ATP2B1: variants seen among roughly 807,000 people sequenced by gnomAD.
ATP2B1 encodes the protein plasma membrane calcium-transporting ATPase 1.
ATP2B1 carries 14 observed loss-of-function variants against 124.2 expected under a neutral mutation model. The observed-to-expected ratio is 0.11, with a 90% CI of 0.07 to 0.18. The LOEUF (loss-of-function observed/expected upper bound fraction) is 0.18, where lower values mean the gene tolerates loss of function less well. Among genes scored for constraint, ATP2B1 ranks in the 10% least tolerant of loss-of-function variants. The pLI, the probability that ATP2B1 is intolerant of heterozygous loss-of-function variation, is 1.00. For synonymous variants in ATP2B1, 449 were observed against 492.4 expected (o/e 0.91, Z 1.17); for missense variants, 763 against 1,466.1 (o/e 0.52, Z 7.83).
intron 1 of ATP2B1, among the ~76,000 whole-genome samples, chr12:89,678,497 A>C (rs2136608317): frequency 6.6e-6 from 1 of 152,260 alleles, no homozygotes; most frequent in South Asian, 2.1e-4. Flanking sequence ...ATGACTATTT[A>C]CTACTGCTGC....
At chr12:89,653,250 C>G (rs1283714337) in intron 2 of ATP2B1, among the ~76,000 whole-genome samples, 1 of 150,940 alleles carries the variant, frequency 6.6e-6, no homozygotes, top group Non-Finnish European at 1.5e-5. Flanking sequence ...ATCTAATAGC[C>G]CAAAGCAGCA....
chr12:89,663,688 T>C (rs1011482838), intron 1 of ATP2B1, among the ~76,000 whole-genome samples: 4 of 152,202 alleles, frequency 2.6e-5, no homozygotes, highest in Non-Finnish European at 5.9e-5. Flanking sequence ...TTATGCTGCG[T>C]TGAAACTACT....
At chr12:89,659,357 AACACACACACACAC>A in intron 1 of ATP2B1, among the ~76,000 whole-genome samples, 1 of 149,338 alleles carries the variant, frequency 6.7e-6, no homozygotes, top group South Asian at 2.1e-4. Flanking sequence ...GGTATTACAA[AACACACACACACAC>A]ACACACACAC....
chr12:89,667,972 T>A (rs776876654), intron 1 of ATP2B1, among the ~76,000 whole-genome samples: 25 of 152,224 alleles, frequency 1.6e-4, no homozygotes, highest in Admixed American at 5.9e-4. Flanking sequence ...TCACAAAAGA[T>A]ACAATGAACA....
rs777415102 is a variant in ATP2B1 at position 89,603,769 on chromosome 12, T to C, written c.2791A>G (p.Asn931Asp). The change falls in exon 17 of 21, where the codon AAT becomes GAT. Residue 931 changes from asparagine (N) to aspartate (D), a missense_variant. Around this residue, in one of 7 missense-constraint regions of ATP2B1, gnomAD observed 118 missense variants for 240.3 expected, o/e 0.49. Transcript: ENST00000428670. This position sits in a 1 kb window ranked among gnomAD's most constrained non-coding sequence, Gnocchi z 4.3. The stretch of plus-strand genomic sequence containing the variant: ...TGATAGAATGCATGACCCAAAATAT[T>C]CTTCATCATTGTACGTGAGATGAGA... ...KPLISRTMMK[N>D]ILGHAFYQLV... 1 of 1,614,130 alleles carries C rather than the reference T, an allele frequency of 6.2e-7. No individual in the cohort carries two copies. Among genetic ancestry groups the C allele is most frequent in the South Asian group, 1.1e-5 (1 of 91,084 alleles).
intron 2 of ATP2B1, among the ~76,000 whole-genome samples, chr12:89,648,805 G>A (rs1044845619): frequency 6.6e-6 from 1 of 152,220 alleles, no homozygotes; most frequent in Admixed American, 6.5e-5. Context: ...TGCTTTCAAG[G>A]GCTAGGCCCA....
intron 1 of ATP2B1, among the ~76,000 whole-genome samples, chr12:89,659,922 A>G (rs1244418017): frequency 6.7e-6 from 1 of 149,442 alleles, no homozygotes; most frequent in Non-Finnish European, 1.5e-5. Flanking sequence ...ACTCAAAAAA[A>G]AAAAAAAACA....
intron 1 of ATP2B1, among the ~76,000 whole-genome samples, chr12:89,675,909 C>T: frequency 6.6e-6 from 1 of 152,180 alleles, no homozygotes; most frequent in East Asian, 1.9e-4. Context: ...ATAAAACATT[C>T]CCATAAAATA....
intron 5 of ATP2B1, among the ~76,000 whole-genome samples, chr12:89,632,311 A>G (rs1882004419): frequency 6.6e-6 from 1 of 152,154 alleles, no homozygotes; most frequent in African/African-American, 2.4e-5. Flanking sequence ...GTATTTAAGA[A>G]TCCATATTTG....
At chr12:89,685,758 A>C (rs1038002240) in intron 1 of ATP2B1, among the ~76,000 whole-genome samples, 3 of 152,116 alleles carry the variant, frequency 2.0e-5, no homozygotes, top group African/African-American at 7.2e-5. Flanking sequence ...TTAAATTCCA[A>C]TGTGACCATA....
intron 15 of ATP2B1, 93 bp downstream of exon 15, chr12:89,609,844 A>G (rs1379327068): frequency 8.5e-7 from 1 of 1,178,908 alleles, no homozygotes; most frequent in African/African-American, 1.5e-5. Context: ...GACAGTGTTT[A>G]AAATCCATAG....
At chr12:89,598,860 A>G in intron 20 of ATP2B1, 2 of 1,273,332 alleles carry the variant, frequency 1.6e-6, no homozygotes, top group Middle Eastern at 2.0e-4. Flanking sequence ...CACAGCATAT[A>G]GGCAAGAATA....
chr12:89,591,358 T>A, intron 20 of ATP2B1, 63 bp from the exon 21 acceptor site: 10 of 1,433,678 alleles, frequency 7.0e-6, no homozygotes, highest in African/African-American at 1.4e-5. Flanking sequence ...AAATGGTTCA[T>A]TTATGAGTTT....
chr12:89,690,288 G>A (rs1488067166), intron 1 of ATP2B1, among the ~76,000 whole-genome samples: 1 of 150,266 alleles, frequency 6.7e-6, no homozygotes, highest in Non-Finnish European at 1.5e-5. Flanking sequence ...TTATACTCTG[G>A]GATACTTTTT....
chr12:89,681,245 A>G (rs1394236732), intron 1 of ATP2B1, among the ~76,000 whole-genome samples: 2 of 152,200 alleles, frequency 1.3e-5, no homozygotes, highest in Non-Finnish European at 1.5e-5. Context: ...ATCCCCCAAA[A>G]TAAGAGATTA....
rs945332740 is a variant in ATP2B1, at chr12:89,687,339, T to C, written c.-222+21257A>G. Among the ~76,000 whole-genome samples, 7 of 152,254 alleles carry C rather than the reference T, an allele frequency of 4.6e-5. No homozygotes were observed. The East Asian group carries it at 7.7e-4, about 17-fold the overall frequency. On this transcript the variant is annotated intron_variant, in intron 1 of 20. Transcript: ENST00000428670. The stretch of plus-strand genomic sequence containing the variant: ...ATATGGGTTTGCAGCCTAGAAGCAA[T>C]AGGCTATGCCACATAGCTTAGGGGC...
chr12:89,699,451 T>C (rs906905739), intron 1 of ATP2B1, among the ~76,000 whole-genome samples: 5 of 152,122 alleles, frequency 3.3e-5, no homozygotes, highest in African/African-American at 7.2e-5. Flanking sequence ...AAAGACAAAA[T>C]TGGAAGGCAA....
chr12:89,614,192 T>C (rs1229483527), intron 12 of ATP2B1, among the ~76,000 whole-genome samples: 3 of 152,130 alleles, frequency 2.0e-5, no homozygotes, highest in African/African-American at 4.8e-5. Flanking sequence ...CCAGGCACAG[T>C]GGTGCATGCC....
rs1352988541 is a variant in ATP2B1, at chr12:89,589,361, T to C, written c.*1623A>G. Reference sequence around the variant, plus strand: ...GACAGAGGCAAAAAAGAGAAGAAGGTAGATGAAGGAAAGAAAAAGAGAGCT... The same window carrying C: ...GACAGAGGCAAAAAAGAGAAGAAGGCAGATGAAGGAAAGAAAAAGAGAGCT... On this transcript the variant is annotated 3_prime_UTR_variant, in exon 21 of 21. Transcript: ENST00000428670. 1.3e-5 allele frequency: 2 copies of C among 152,402 alleles called. No individual in the cohort carries two copies. Among genetic ancestry groups the C allele is most frequent in the Non-Finnish European group, 2.9e-5 (2 of 67,996 alleles). 9.4% of individuals were successfully genotyped at this position (152,402 alleles called of 1,614,324 possible).
Sources: gnomAD v4.1 joint callset for allele counts (sites outside exome capture counted in the v4.1 genomes callset) on GRCh38, gnomAD v4.1.1 for gene constraint, gnomAD v4.1.1 regional missense constraint, Gnocchi (gnomAD v3.1) non-coding constraint, MANE v1.5 for transcripts, NCBI Gene and HGNC (gene_info 2026-07-23, HGNC 2026-07-21) for gene names.